Variants in RBL1 observed in about 807,000 individuals in gnomAD.
RBL1 encodes RB transcriptional corepressor like 1, also known as retinoblastoma-like protein 1.
In RBL1, 82 loss-of-function variants were observed where a neutral mutation model predicts 123.0. The ratio of observed to expected loss-of-function variants is 0.67; its 90% CI spans 0.56 to 0.80. The LOEUF is 0.80. Among genes scored for constraint, RBL1 ranks in the 30% least tolerant of loss-of-function variants. RBL1 has a pLI of 0.00. For synonymous variants in RBL1, 405 were observed against 441.3 expected, an observed-to-expected ratio of 0.92 and a Z score of 1.03; for missense variants, 1,171 against 1,299.6, an observed-to-expected ratio of 0.90 and a Z score of 1.52.
At chr20:37,029,242 A>G (rs532703490) in intron 16 of RBL1, among the ~76,000 whole-genome samples, 1 of 152,194 alleles carries the variant, frequency 6.6e-6, no homozygotes, top group Non-Finnish European at 1.5e-5. Flanking sequence ...CTTGGTATAC[A>G]CAGGAGATTT....
chr20:37,033,001 T>A, intron 15 of RBL1, 125 bp from the exon 16 acceptor site: 1 of 1,339,228 alleles, frequency 7.5e-7, no homozygotes, highest in Non-Finnish European at 9.8e-7. Context: ...ATAGTAATTC[T>A]AGGTTATGAC....
chr20:37,062,303 A>G (rs1388900182), intron 7 of RBL1, 33 bp from the exon 8 acceptor site: 3 of 1,592,844 alleles, frequency 1.9e-6, no homozygotes. Context: ...CTGTAATACT[A>G]AGTTACACAA....
At chr20:37,031,587 A>G (rs1426311168) in intron 16 of RBL1, among the ~76,000 whole-genome samples, 1 of 152,208 alleles carries the variant, frequency 6.6e-6, no homozygotes, top group East Asian at 1.9e-4. Flanking sequence ...AACTTGGAAC[A>G]CTTGTGCCTT....
chr20:37,019,313 T>C (rs1404373941), intron 18 of RBL1, among the ~76,000 whole-genome samples: 1 of 152,176 alleles, frequency 6.6e-6, no homozygotes, highest in Non-Finnish European at 1.5e-5. Flanking sequence ...GCCCCTAAAC[T>C]ATTTCTCACC....
chr20:37,022,477 C>A (rs1165938288), intron 17 of RBL1, among the ~76,000 whole-genome samples, 173 bp downstream of exon 17: 4 of 152,124 alleles, frequency 2.6e-5, no homozygotes, highest in African/African-American at 9.7e-5. Context: ...TAGGTGCAAG[C>A]CACAATGCCC....
chr20:37,071,420 G>T (rs1345568590), intron 2 of RBL1, among the ~76,000 whole-genome samples: 1 of 152,090 alleles, frequency 6.6e-6, no homozygotes, highest in East Asian at 1.9e-4. Context: ...CTTTGGGAGG[G>T]TGAGGCTGGA....
rs1000011456 is a variant in RBL1, at chr20:37,044,097, T to C, written c.1759A>G (p.Thr587Ala). 1 of 1,608,654 alleles carries C rather than the reference T, an allele frequency of 6.2e-7. No individual in the cohort carries two copies. Among genetic ancestry groups the C allele is most frequent in the Non-Finnish European group, 8.5e-7 (1 of 1,177,706 alleles). The change falls in exon 13 of 22, where the codon ACC (threonine) becomes GCC (alanine). Residue 587 changes from threonine (T) to alanine (A), a missense_variant. Coordinates refer to ENST00000373664, the MANE Select transcript of RBL1 (RefSeq NM_002895.5). ...TTGCCCAGACTCACTTCTTCACAGG[T>C]AGGAACTTTGTTTGCAGAAACCTGG... The part of the protein sequence containing the change: ...ALQVSANKVP[T>A]CEEVIFPNNF...
intron 2 of RBL1, among the ~76,000 whole-genome samples, chr20:37,074,906 T>C (rs964547881): frequency 2.0e-5 from 3 of 152,136 alleles, no homozygotes; most frequent in African/African-American, 7.2e-5. Context: ...AAAATATATG[T>C]CCACATAAAA....
chr20:37,019,646 G>A (rs2064308621), intron 18 of RBL1, among the ~76,000 whole-genome samples: 1 of 152,122 alleles, frequency 6.6e-6, no homozygotes, highest in Non-Finnish European at 1.5e-5. Flanking sequence ...TACTAATACT[G>A]AGGCCACATC....
intron 11 of RBL1, 81 bp downstream of exon 11, chr20:37,055,472 C>T (rs2064987918): frequency 1.4e-5 from 23 of 1,598,110 alleles, no homozygotes; most frequent in Middle Eastern, 1.7e-4. Flanking sequence ...ACTCCCACAA[C>T]GCCTTACAGA....
intron 1 of RBL1, among the ~76,000 whole-genome samples, chr20:37,095,503 T>C (rs938578130): frequency 1.3e-5 from 2 of 152,214 alleles, no homozygotes; most frequent in Admixed American, 6.5e-5. Flanking sequence ...TTTGTGGCGC[T>C]TGGCGGGGTA....
At chr20:37,038,108 TAGCTGCCTG>T (rs993218755) in intron 14 of RBL1, among the ~76,000 whole-genome samples, 25 of 151,030 alleles carry the variant, frequency 1.7e-4, no homozygotes, top group Middle Eastern at 3.4e-3. Flanking sequence ...TCTACTGCCT[TAGCTGCCTG>T]AGCAGCTGGG....
Position 37,068,756 on chromosome 20 carries a change from C to A in RBL1, c.291-570G>T, listed in dbSNP as rs147041931. ...AGGTTATAAAATTAGTTTGAGATCA[C>A]CTGAGATCGGGAGTTCAAGACACAG... On this transcript the variant is annotated intron_variant, in intron 2 of 21. Transcript: ENST00000373664. 1.7e-3 allele frequency among the ~76,000 whole-genome samples: 266 copies of A among 152,278 alleles called. 1 individual carries two copies. Among genetic ancestry groups the A allele is most frequent in the Non-Finnish European group, 3.1e-3 (211 of 68,032 alleles).
At chr20:37,045,152 G>A (rs1454339849) in intron 12 of RBL1, among the ~76,000 whole-genome samples, 1 of 151,108 alleles carries the variant, frequency 6.6e-6, no homozygotes, top group African/African-American at 2.4e-5. Flanking sequence ...TGTCACCCAG[G>A]CTGGAGTGCA....
chr20:37,033,129 C>A (rs936359470), intron 15 of RBL1, among the ~76,000 whole-genome samples: 4 of 150,554 alleles, frequency 2.7e-5, no homozygotes, highest in Non-Finnish European at 4.4e-5. Flanking sequence ...GTGATCCTCC[C>A]ATTTCAACCC....
intron 2 of RBL1, chr20:37,082,124 A>G (rs1401367314): frequency 1.5e-5 from 6 of 398,806 alleles, no homozygotes; most frequent in Middle Eastern, 6.6e-4. Context: ...GGGACAACGC[A>G]GGGGCCTAGG....
intron 19 of RBL1, among the ~76,000 whole-genome samples, chr20:37,012,450 C>G (rs1400648726): frequency 4.3e-4 from 63 of 146,814 alleles, no homozygotes; most frequent in East Asian, 2.5e-3. Flanking sequence ...ATCCCATCTA[C>G]GAAGTGAGGA....
rs761105166 is a variant in RBL1, at chr20:37,022,566, A to G, written c.2559+84T>C. On this transcript the variant is annotated intron_variant, in intron 17 of 21. Coordinates refer to ENST00000373664, the MANE Select transcript of RBL1 (RefSeq NM_002895.5). ...GGTCTCGAAATCCTGGGCTCAAGCTATCTGCTCACCTTGACCTCCGAAAGT... is the reference window on the plus strand; with the variant it reads ...GGTCTCGAAATCCTGGGCTCAAGCTGTCTGCTCACCTTGACCTCCGAAAGT... 7 of 1,272,878 alleles carry G rather than the reference A, an allele frequency of 5.5e-6. No individual in the cohort carries two copies. The East Asian group carries it at 1.2e-4, about 22-fold the overall frequency. The allele number at this position is 1,272,878 out of a possible 1,614,324, so 78.8% of individuals were successfully genotyped here.
chr20:37,073,705 G>GA lies in RBL1; in HGVS notation c.291-5520dup, dbSNP rs796752326. On this transcript the variant is annotated intron_variant, in intron 2 of 21. Transcript: ENST00000373664. Reference sequence around the variant, plus strand: ...AGAGTGAGATCCTGTCTCAAAAAAAGAAAAAAAAAAAAAAAAAGAATACAC... The same window carrying GA: ...AGAGTGAGATCCTGTCTCAAAAAAAGAAAAAAAAAAAAAAAAAAGAATACAC... Among the ~76,000 whole-genome samples the GA allele has an allele frequency of 3.3e-3, 338 of 103,132 alleles. 6 individuals carry two copies. Among genetic ancestry groups the GA allele is most frequent in the African/African-American group, 8.1e-3 (214 of 26,268 alleles). 67.7% of individuals were successfully genotyped at this position (103,132 alleles called of 152,430 possible).
Sources: gnomAD v4.1 joint callset for allele counts (sites outside exome capture counted in the v4.1 genomes callset) on GRCh38, gnomAD v4.1.1 for gene constraint, MANE v1.5 for transcripts, NCBI Gene and HGNC (gene_info 2026-07-23, HGNC 2026-07-21) for gene names.